Variants in TIMMDC1 observed in about 807,000 individuals in gnomAD.
TIMMDC1 encodes complex I assembly factor TIMMDC1, mitochondrial.
TIMMDC1 carries 25 observed loss-of-function variants against 32.6 expected under a neutral mutation model. The observed-to-expected ratio is 0.77, with a 90% CI of 0.56 to 1.07. The LOEUF (loss-of-function observed/expected upper bound fraction) is 1.07. Ranked by LOEUF, TIMMDC1 falls within the 50% of genes least tolerant of loss-of-function variation. The probability of loss-of-function intolerance (pLI) is 0.00; values close to 1 mark genes in which losing one functional copy is unlikely to be tolerated. For missense variants in TIMMDC1, 329 were observed against 349.2 expected (o/e 0.94, Z 0.46); for synonymous variants, 130 against 127.6 (o/e 1.02, Z -0.13).
chr3:119,507,873 A>C (rs1314166323), intron 4 of TIMMDC1, among the ~76,000 whole-genome samples: 2 of 152,190 alleles, frequency 1.3e-5, no homozygotes, highest in African/African-American at 2.4e-5. Context: ...GTGCTTCTGA[A>C]CTGTTAACTT....
intron 2 of TIMMDC1, among the ~76,000 whole-genome samples, chr3:119,502,237 A>G (rs1004708270): frequency 6.8e-6 from 1 of 147,256 alleles, no homozygotes; most frequent in South Asian, 2.1e-4. Flanking sequence ...TTATTCCTTT[A>G]TTTATTTTTT....
At chr3:119,506,163 A>G (rs1369151832) in intron 4 of TIMMDC1, among the ~76,000 whole-genome samples, 2 of 152,214 alleles carry the variant, frequency 1.3e-5, no homozygotes, top group Non-Finnish European at 2.9e-5. Flanking sequence ...GCATTTTTAC[A>G]TGGGTCTTGT....
chr3:119,500,507 C>G (rs553736162), intron 1 of TIMMDC1, 188 bp from the exon 2 acceptor site: 1 of 528,094 alleles, frequency 1.9e-6, no homozygotes, highest in African/African-American at 1.9e-5. Context: ...AATTCTAACA[C>G]CATAGCTTCG....
At chr3:119,513,062 G>C (rs150694905) in intron 4 of TIMMDC1, among the ~76,000 whole-genome samples, 3 of 152,308 alleles carry the variant, frequency 2.0e-5, no homozygotes, top group Admixed American at 6.5e-5. Context: ...TATTTAAAAA[G>C]TGTTACCACC....
intron 5 of TIMMDC1, 93 bp downstream of exon 5, chr3:119,513,812 T>A: frequency 1.3e-6 from 1 of 797,214 alleles, no homozygotes; most frequent in Non-Finnish European, 1.9e-6. Context: ...AGAACAAATT[T>A]AATCCTTAGA....
chr3:119,501,667 T>G (rs1013894932), intron 2 of TIMMDC1, among the ~76,000 whole-genome samples: 3 of 152,332 alleles, frequency 2.0e-5, no homozygotes, highest in Non-Finnish European at 2.9e-5. Flanking sequence ...AAAAATGTAT[T>G]TTTCAGAAGT....
intron 5 of TIMMDC1, among the ~76,000 whole-genome samples, chr3:119,515,657 T>C (rs2081981255): frequency 6.6e-6 from 1 of 152,236 alleles, no homozygotes; most frequent in Non-Finnish European, 1.5e-5. Flanking sequence ...ATCTGTTCAG[T>C]GTCTCCATTG....
At chr3:119,499,392 G>A (rs1276741637) in intron 1 of TIMMDC1, among the ~76,000 whole-genome samples, 3 of 146,760 alleles carry the variant, frequency 2.0e-5, no homozygotes, top group African/African-American at 7.6e-5. Context: ...GAGCCACCGC[G>A]CCAGCCCAAA....
In TIMMDC1 at chr3:119,507,749, C is replaced by T. The variant is rs554642149; in HGVS notation, c.517+3728C>T. 4.6e-5 allele frequency among the ~76,000 whole-genome samples: 7 copies of T among 152,094 alleles called. No individual in the cohort carries two copies. The South Asian group carries it at 1.5e-3, about 32-fold the overall frequency. On this transcript the variant is annotated intron_variant, in intron 4 of 6. Transcript: ENST00000494664. Reference sequence around the variant, plus strand: ...TTCTTGATAGCTGGACATGATGTACCTGGGTAAAAAAGGAATTATGGTAAA... The same window carrying T: ...TTCTTGATAGCTGGACATGATGTACTTGGGTAAAAAAGGAATTATGGTAAA...
chr3:119,522,104 G>A (rs746351816), intron 6 of TIMMDC1, among the ~76,000 whole-genome samples: 11 of 152,162 alleles, frequency 7.2e-5, no homozygotes, highest in East Asian at 1.9e-4. Context: ...AGTTATCTGC[G>A]CCCCCATGCT....
At chr3:119,514,339 C>T (rs1028102848) in intron 5 of TIMMDC1, among the ~76,000 whole-genome samples, 1 of 152,014 alleles carries the variant, frequency 6.6e-6, no homozygotes, top group Non-Finnish European at 1.5e-5. Context: ...TTTTTCTTTC[C>T]GTTTGCTTCT....
intron 2 of TIMMDC1, 115 bp downstream of exon 2, chr3:119,500,975 AGAAAT>A (rs2081870374): frequency 9.5e-7 from 1 of 1,056,120 alleles, no homozygotes; most frequent in Non-Finnish European, 1.4e-6. Context: ...GTCAGAGTAA[AGAAAT>A]AAAGTCTGTA....
intron 4 of TIMMDC1, among the ~76,000 whole-genome samples, chr3:119,505,197 C>T (rs1259504516): frequency 6.6e-6 from 1 of 151,794 alleles, no homozygotes; most frequent in Non-Finnish European, 1.5e-5. Context: ...TACTGCAAAA[C>T]ATGTTATACA....
At chr3:119,512,234 A>G (rs1044370096) in intron 4 of TIMMDC1, among the ~76,000 whole-genome samples, 8 of 152,270 alleles carry the variant, frequency 5.3e-5, no homozygotes, top group Non-Finnish European at 1.2e-4. Flanking sequence ...TTCTGTGAAA[A>G]TAAAAAATTT....
intron 2 of TIMMDC1, 63 bp from the exon 3 acceptor site, chr3:119,503,469 A>G (rs1425244089): frequency 1.2e-5 from 15 of 1,290,220 alleles, no homozygotes; most frequent in Non-Finnish European, 1.6e-5. Context: ...CCTCTACCGC[A>G]GTTCTAGAAT....
At chr3:119,499,558 C>T (rs2081854006) in intron 1 of TIMMDC1, among the ~76,000 whole-genome samples, 1 of 151,970 alleles carries the variant, frequency 6.6e-6, no homozygotes, top group Non-Finnish European at 1.5e-5. Flanking sequence ...GCTGGGATTA[C>T]AGTTGCCCAC....
intron 6 of TIMMDC1, 38 bp downstream of exon 6, chr3:119,517,353 T>G: frequency 2.2e-6 from 3 of 1,369,118 alleles, no homozygotes; most frequent in African/African-American, 2.9e-5. Context: ...CTTGGCTCTC[T>G]TGCCCCAGGC....
chr3:119,501,511 C>A (rs2081875420), intron 2 of TIMMDC1, among the ~76,000 whole-genome samples: 1 of 152,018 alleles, frequency 6.6e-6, no homozygotes, highest in Non-Finnish European at 1.5e-5. Flanking sequence ...TGTGTTATTT[C>A]CTAAAAACAA....
intron 4 of TIMMDC1, among the ~76,000 whole-genome samples, chr3:119,504,719 C>T (rs1383187224): frequency 6.6e-6 from 1 of 152,084 alleles, no homozygotes; most frequent in Admixed American, 6.5e-5. Context: ...GGAATAAGTT[C>T]AAGAGATCTA....
Sources: gnomAD v4.1 joint callset for allele counts (sites outside exome capture counted in the v4.1 genomes callset) on GRCh38, gnomAD v4.1.1 for gene constraint, MANE v1.5 for transcripts, NCBI Gene and HGNC (gene_info 2026-07-23, HGNC 2026-07-21) for gene names.